The following GPR89B variants were observed in gnomAD, a reference collection of about 807,000 sequenced individuals.
The protein encoded by GPR89B is G protein-coupled receptor 89B.
A neutral mutation model predicts 52.4 loss-of-function variants in GPR89B; 25 were observed. The ratio of observed to expected loss-of-function variants is 0.48; its 90% CI spans 0.35 to 0.67. GPR89B has a LOEUF of 0.67. GPR89B is among the 30% of genes least tolerant of loss of function. GPR89B has a pLI of 0.01. For missense variants in GPR89B, 146 were observed against 450.2 expected (o/e 0.32, Z 6.11); for synonymous variants, 52 against 151.2 (o/e 0.34, Z 4.81).
chr1:148,003,534 A>G, the GPR89B span, among the ~76,000 whole-genome samples: 1 of 151,880 alleles, frequency 6.6e-6, no homozygotes, highest in East Asian at 1.9e-4. Flanking sequence ...ATTTCCCCCT[A>G]CCCCCGCCCC....
chr1:148,025,641 C>A, the GPR89B span: 1 of 144,426 alleles, frequency 6.9e-6, no homozygotes, highest in African/African-American at 2.6e-5. Flanking sequence ...CCCAACTTGA[C>A]TGTATTTAGA....
At chr1:147,985,938 A>AT (rs1658632869) in intron 10 of GPR89B, among the ~76,000 whole-genome samples, 1 of 152,232 alleles carries the variant, frequency 6.6e-6, no homozygotes, top group South Asian at 2.1e-4. Context: ...CTCCTGATAA[A>AT]TTAAGGCATA....
At chr1:148,005,897 C>T in the GPR89B span, among the ~76,000 whole-genome samples, 30 of 152,204 alleles carry the variant, frequency 2.0e-4, no homozygotes, top group African/African-American at 6.7e-4. Context: ...ATTTGCCTGC[C>T]TTGTCCTTTG....
chr1:148,023,235 C>T, the GPR89B span, among the ~76,000 whole-genome samples: 1 of 146,132 alleles, frequency 6.8e-6, no homozygotes, highest in Admixed American at 6.8e-5. Flanking sequence ...AGATTATGGC[C>T]TCCTGTTCTA....
At chr1:147,930,315 A>G (rs1379295537) in intron 1 of GPR89B, among the ~76,000 whole-genome samples, 3 of 152,206 alleles carry the variant, frequency 2.0e-5, no homozygotes, top group African/African-American at 7.2e-5. Flanking sequence ...TCGCTTTAGG[A>G]AGGTTTTACC....
chr1:148,013,722 G>A, the GPR89B span, among the ~76,000 whole-genome samples: 18,458 of 151,966 alleles, frequency 0.12, 1,453 homozygotes, highest in African/African-American at 0.2. Flanking sequence ...AAGCAGCAAG[G>A]GAAGGGGTCC....
At chr1:147,977,250 A>C (rs1657906738) in intron 10 of GPR89B, among the ~76,000 whole-genome samples, 2 of 151,118 alleles carry the variant, frequency 1.3e-5, no homozygotes, top group African/African-American at 4.9e-5. Context: ...AAAAAAAAAA[A>C]AAAAAAAAAA....
the GPR89B span, among the ~76,000 whole-genome samples, chr1:148,025,387 G>T: frequency 2.0e-5 from 3 of 151,578 alleles, no homozygotes; most frequent in African/African-American, 7.3e-5. Context: ...GCCAGGCGCA[G>T]TGGCTCACAC....
chr1:148,018,481 A>C, the GPR89B span, among the ~76,000 whole-genome samples: 8 of 151,238 alleles, frequency 5.3e-5, no homozygotes, highest in Non-Finnish European at 1.0e-4. Context: ...ACAAAGCAAA[A>C]ACACAGAAAT....
At chr1:148,010,517 G>A in the GPR89B span, 1 of 152,244 alleles carries the variant, frequency 6.6e-6, no homozygotes, top group Non-Finnish European at 1.5e-5. Context: ...TTTTTCACAT[G>A]ACTCAAAAGA....
intron 7 of GPR89B, among the ~76,000 whole-genome samples, chr1:147,964,195 A>AT (rs1656859386): frequency 6.6e-6 from 1 of 150,970 alleles, no homozygotes; most frequent in African/African-American, 2.5e-5. Context: ...GAATCTCTGT[A>AT]TTTTTTCTCA....
At chr1:148,020,848 C>T in the GPR89B span, among the ~76,000 whole-genome samples, 1 of 151,740 alleles carries the variant, frequency 6.6e-6, no homozygotes, top group East Asian at 1.9e-4. Flanking sequence ...TCACCATTTC[C>T]TGCTAGTTTT....
intron 10 of GPR89B, among the ~76,000 whole-genome samples, chr1:147,970,519 C>CTCTCTCTCTCTCTCTA (rs1657359133): frequency 1.3e-5 from 2 of 150,164 alleles, no homozygotes; most frequent in South Asian, 4.2e-4. Context: ...CTCTCTCTCT[C>CTCTCTCTCTCTCTCTA]TCTCTCTCTC....
At chr1:148,002,586 A>C in the GPR89B span, among the ~76,000 whole-genome samples, 2 of 152,040 alleles carry the variant, frequency 1.3e-5, no homozygotes, top group Non-Finnish European at 2.9e-5. Flanking sequence ...TTCTTGCGTA[A>C]TTGTTAGGAG....
intron 3 of GPR89B, among the ~76,000 whole-genome samples, chr1:147,939,964 A>G (rs1370195460): frequency 6.6e-6 from 1 of 151,792 alleles, no homozygotes; most frequent in Non-Finnish European, 1.5e-5. Context: ...ATCACTGGAC[A>G]AGACAATGAG....
chr1:147,937,386 C>A (rs1654179248), intron 2 of GPR89B, among the ~76,000 whole-genome samples: 1 of 152,166 alleles, frequency 6.6e-6, no homozygotes. Context: ...ACTGTGCACA[C>A]ATTGTCTTTA....
intron 10 of GPR89B, among the ~76,000 whole-genome samples, chr1:147,977,785 G>A (rs1657950036): frequency 6.8e-6 from 1 of 147,278 alleles, no homozygotes; most frequent in South Asian, 2.2e-4. Flanking sequence ...TTCAGCTATT[G>A]ATATTTGTGG....
chr1:147,958,852 A>T (rs1163127912), intron 7 of GPR89B, among the ~76,000 whole-genome samples: 2 of 151,984 alleles, frequency 1.3e-5, no homozygotes, highest in African/African-American at 4.8e-5. Context: ...TCAGCCTCCC[A>T]GCATGACCCC....
At chr1:147,979,203 C>T (rs1373025267) in intron 10 of GPR89B, among the ~76,000 whole-genome samples, 1 of 152,010 alleles carries the variant, frequency 6.6e-6, no homozygotes, top group South Asian at 2.1e-4. Flanking sequence ...AATGAGAGAA[C>T]CTGGTTACCT....
Sources: allele counts gnomAD v4.1 joint callset (sites outside exome capture counted in the v4.1 genomes callset), GRCh38; gene constraint gnomAD v4.1.1; transcripts MANE v1.5; gene names NCBI Gene and HGNC (gene_info 2026-07-23, HGNC 2026-07-21).